Variants in CEP128 observed in about 807,000 individuals in gnomAD.
CEP128 encodes the protein centrosomal protein 128kDa.
A neutral mutation model predicts 156.7 loss-of-function variants in CEP128; 132 were observed. That is an observed-to-expected ratio of 0.84 (90% CI 0.73 to 0.97). The LOEUF is 0.97. Ranked by LOEUF, CEP128 falls within the 50% of genes least tolerant of loss-of-function variation. The pLI is 0.00. For synonymous variants in CEP128, 469 were observed against 448.9 expected, an observed-to-expected ratio of 1.04 and a Z score of -0.57; for missense variants, 1,252 against 1,281.9, an observed-to-expected ratio of 0.98 and a Z score of 0.36.
intron 19 of CEP128, among the ~76,000 whole-genome samples, chr14:80,661,364 T>C (rs757071731): frequency 3.3e-5 from 5 of 152,170 alleles, no homozygotes; most frequent in Non-Finnish European, 7.3e-5. Flanking sequence ...CCATCATCAA[T>C]ATACTTCAAG....
At chr14:80,733,305 C>G (rs1162152954) in intron 19 of CEP128, among the ~76,000 whole-genome samples, 2 of 150,802 alleles carry the variant, frequency 1.3e-5, no homozygotes, top group African/African-American at 2.5e-5. Context: ...GACCATAGAT[C>G]TTGGGACTTC....
At chr14:80,798,915 G>A (rs187397130) in intron 13 of CEP128, among the ~76,000 whole-genome samples, 2 of 152,254 alleles carry the variant, frequency 1.3e-5, no homozygotes, top group African/African-American at 2.4e-5. Context: ...ATTGAAAATG[G>A]AAAATCTACC....
intron 17 of CEP128, among the ~76,000 whole-genome samples, chr14:80,757,771 C>T (rs1361109586): frequency 6.6e-6 from 1 of 152,222 alleles, no homozygotes; most frequent in East Asian, 1.9e-4. Context: ...GCTGTGTGCA[C>T]ATTGCTTCTT....
At position 80,785,296 on chromosome 14, in the gene CEP128, G is replaced by C; in HGVS notation, c.1810C>G (p.Gln604Glu). 1 of 1,614,080 alleles carries C rather than the reference G, an allele frequency of 6.2e-7. No individual in the cohort carries two copies. The highest frequency in any genetic ancestry group is 1.6e-4 in the Middle Eastern group (1 of 6,062). Residue 604 changes from glutamine to glutamate, a missense_variant, in exon 15 of 25, where the codon CAG (glutamine) becomes GAG (glutamate). Physicochemically the swap from Gln to Glu is conservative, Grantham distance 29. Coordinates refer to ENST00000555265, the MANE Select transcript of CEP128 (RefSeq NM_152446.5). ...AAGTGAGCTTTCTCAACTTTCATCT[G>C]GCTTTGGATCTTACTCTGCTTTTTC... ...ELKKQSKIQS[Q>E]MKVEKAHLEE...
chr14:80,900,061 G>A (rs1345757974), intron 6 of CEP128, 32 bp from the exon 7 acceptor site: 4 of 1,321,490 alleles, frequency 3.0e-6, no homozygotes, highest in East Asian at 4.6e-5. Context: ...TATCCATTTA[G>A]AATTCTGTTG....
At chr14:80,671,944 A>T (rs994265587) in intron 19 of CEP128, among the ~76,000 whole-genome samples, 10 of 152,176 alleles carry the variant, frequency 6.6e-5, no homozygotes, top group African/African-American at 2.2e-4. Context: ...TTATCCTCAC[A>T]TATCAAAACT....
At chr14:80,663,649 A>G (rs1895491269) in intron 19 of CEP128, among the ~76,000 whole-genome samples, 1 of 152,212 alleles carries the variant, frequency 6.6e-6, no homozygotes, top group Non-Finnish European at 1.5e-5. Context: ...AGGCACTACC[A>G]AAGATGTTAT....
chr14:80,736,873 A>G (rs1005622288), intron 19 of CEP128, among the ~76,000 whole-genome samples: 4 of 152,236 alleles, frequency 2.6e-5, no homozygotes, highest in South Asian at 2.1e-4. Context: ...ATCCCTAGGC[A>G]TATCGTTAAT....
intron 19 of CEP128, among the ~76,000 whole-genome samples, chr14:80,616,571 T>C (rs1038141098): frequency 1.3e-5 from 2 of 152,148 alleles, no homozygotes; most frequent in Non-Finnish European, 2.9e-5. Context: ...AGTGTTCCCA[T>C]TTCTAGTCAT....
chr14:80,750,087 T>C (rs1899312039), intron 18 of CEP128, among the ~76,000 whole-genome samples: 1 of 152,166 alleles, frequency 6.6e-6, no homozygotes, highest in Non-Finnish European at 1.5e-5. Flanking sequence ...AGAGACAACA[T>C]AGTAGGATTT....
chr14:80,699,016 A>C (rs1043371817), intron 19 of CEP128, among the ~76,000 whole-genome samples: 3 of 152,168 alleles, frequency 2.0e-5, no homozygotes, highest in African/African-American at 7.2e-5. Context: ...TTGGATATGG[A>C]ATCTTGGGAA....
intron 13 of CEP128, among the ~76,000 whole-genome samples, chr14:80,811,595 C>T (rs1044923883): frequency 2.6e-5 from 4 of 151,322 alleles, no homozygotes; most frequent in African/African-American, 9.7e-5. Flanking sequence ...CAGAAAATGG[C>T]ATATATATAT....
chr14:80,749,061 C>T (rs1304184791), intron 18 of CEP128, among the ~76,000 whole-genome samples: 1 of 152,150 alleles, frequency 6.6e-6, no homozygotes, highest in African/African-American at 2.4e-5. Flanking sequence ...AGGTCTGCCC[C>T]ACCACAGTCC....
In CEP128 at chr14:80,904,929, G is replaced by A; in HGVS notation, c.364C>T (p.Leu122Phe). The change falls in exon 6 of 25, where the codon CTC becomes TTC. Residue 122 changes from leucine (L) to phenylalanine (F), a missense_variant and splice_region_variant. Coordinates refer to ENST00000555265, the MANE Select transcript of CEP128 (RefSeq NM_152446.5). ...SDLDGGTGSE[L>F]HHFPPTSPLK... is the part of the protein sequence containing the mutation. The stretch of plus-strand genomic sequence containing the variant: ...GGTGAGGTAGGTGGAAAATGATGGA[G>A]CTCTTCACAAGTGAAAGAAAAGGGA... The A allele has an allele frequency of 3.2e-6, 5 of 1,543,066 alleles. No individual in the cohort carries two copies. Among genetic ancestry groups the A allele is most frequent in the Non-Finnish European group, 4.5e-6 (5 of 1,115,330 alleles).
chr14:80,490,767 T>C (rs1382648862), intron 6 of CEP128: 2 of 152,122 alleles, frequency 1.3e-5, no homozygotes, highest in Non-Finnish European at 2.9e-5. Context: ...AAAAAAATAC[T>C]CTAGTACTTC....
chr14:80,906,604 T>C (rs1196707063), intron 4 of CEP128, among the ~76,000 whole-genome samples: 12 of 152,116 alleles, frequency 7.9e-5, no homozygotes, highest in African/African-American at 2.9e-4. Flanking sequence ...TCCCAGAAAA[T>C]GATTGGGTCA....
intron 17 of CEP128, 51 bp from the exon 18 acceptor site, chr14:80,757,002 C>T (rs1899700448): frequency 4.2e-6 from 5 of 1,196,204 alleles, no homozygotes; most frequent in Non-Finnish European, 6.1e-6. Context: ...CTGACATAAA[C>T]ATATATAAAT....
intron 13 of CEP128, among the ~76,000 whole-genome samples, chr14:80,812,137 G>T (rs1884592006): frequency 6.6e-6 from 1 of 152,138 alleles, no homozygotes; most frequent in African/African-American, 2.4e-5. Flanking sequence ...CCACTTATAA[G>T]ACAGAACATG....
At chr14:80,592,458 A>C (rs1892118729) in intron 19 of CEP128, among the ~76,000 whole-genome samples, 1 of 152,224 alleles carries the variant, frequency 6.6e-6, no homozygotes, top group African/African-American at 2.4e-5. Flanking sequence ...ACTAGGAAGA[A>C]GCTGAATCCC....
Sources: gnomAD v4.1 joint callset for allele counts (sites outside exome capture counted in the v4.1 genomes callset) on GRCh38, gnomAD v4.1.1 for gene constraint, MANE v1.5 for transcripts, NCBI Gene and HGNC (gene_info 2026-07-23, HGNC 2026-07-21) for gene names.